Variants in TNFRSF18 observed in about 807,000 individuals in gnomAD.
TNFRSF18 encodes tumor necrosis factor receptor superfamily member 18.
TNFRSF18 carries 36 observed loss-of-function variants against 30.2 expected under a neutral mutation model. That is an observed-to-expected ratio of 1.19 (90% CI 0.91 to 1.58). The LOEUF (loss-of-function observed/expected upper bound fraction) is 1.58, where lower values mean the gene tolerates loss of function less well. TNFRSF18 is among the 40% of genes most tolerant of loss of function. TNFRSF18 has a pLI of 0.00. For missense variants in TNFRSF18, 369 were observed against 345.4 expected, an observed-to-expected ratio of 1.07 and a Z score of -0.54; for synonymous variants, 173 against 158.3, an observed-to-expected ratio of 1.09 and a Z score of -0.70.
In TNFRSF18 at chr1:1,205,553, TC is replaced by T. The variant is rs1396604947; in HGVS notation, c.188-62del. ...GCTGAGGCCCCCTCCTCCCCAGGCC[TC>T]CCCTCGGCCCTCCAGGGGAGTGAGG... On this transcript the variant is annotated intron_variant, in intron 1 of 4. Coordinates refer to ENST00000379268, the MANE Select transcript of TNFRSF18 (RefSeq NM_004195.3). The T allele has an allele frequency of 3.8e-6, 6 of 1,568,510 alleles. No homozygotes were observed. In the African/African-American group the frequency reaches 4.1e-5, roughly 11 times the overall value.
chr1:1,205,535 C>T lies in TNFRSF18; in HGVS notation c.188-43G>A, dbSNP rs761351160. The T allele has an allele frequency of 3.1e-6, 5 of 1,591,566 alleles. No individual in the cohort carries two copies. The South Asian group carries it at 3.4e-5, about 11-fold the overall frequency. On this transcript the variant is annotated intron_variant, in intron 1 of 4. Coordinates refer to ENST00000379268, the MANE Select transcript of TNFRSF18 (RefSeq NM_004195.3). ...CAGCCCCCCAGCAGCTGGGCTGAGG[C>T]CCCCTCCTCCCCAGGCCTCCCCTCG...
rs753212906 is a variant in TNFRSF18 at position 1,204,027 on chromosome 1, G to A, written c.601+7C>T. ...CTCCCACCTCCCCGCACCAGGCTGT[G>A]ACAGACCTCGGGGCCACATGCACTG... On this transcript the variant is annotated splice_region_variant and intron_variant, in intron 4 of 4. Transcript: ENST00000379268. 2.5e-6 allele frequency: 4 copies of A among 1,607,112 alleles called. No individual in the cohort carries two copies. The Admixed American group carries it at 6.8e-5, about 27-fold the overall frequency.
chr1:1,205,361 A>G lies in TNFRSF18; in HGVS notation c.310+9T>C, dbSNP rs919676264. The G allele has an allele frequency of 6.2e-7, 1 of 1,610,238 alleles. No homozygotes were observed. The highest frequency in any genetic ancestry group is 8.5e-7 in the Non-Finnish European group (1 of 1,179,002). On this transcript the variant is annotated intron_variant, in intron 2 of 4. Coordinates refer to ENST00000379268, the MANE Select transcript of TNFRSF18 (RefSeq NM_004195.3). Reference sequence around the variant, plus strand: ...TGTGTGGACTCCCAGAGGCACCTCCAGGACTTACCCTGGGACTGTACCCCC... The same window carrying G: ...TGTGTGGACTCCCAGAGGCACCTCCGGGACTTACCCTGGGACTGTACCCCC...
Position 1,204,212 on chromosome 1 carries a change from A to G in TNFRSF18, c.423T>C (p.Thr141=), listed in dbSNP as rs570711280. 23 of 1,611,790 alleles carry G rather than the reference A, an allele frequency of 1.4e-5. No homozygotes were observed. In the Admixed American group the frequency reaches 3.0e-4, roughly 21 times the overall value. ...WTDCTQFGFL[T]VFPGNKTHNA... is the part of the protein sequence containing the mutation. ...TGTGGGTCTTGTTCCCAGGGAACAC[A>G]GTGAGAAACCCGAACTGGGTGCAGC... Residue 141 remains threonine, a synonymous_variant, in exon 4 of 5, where the codon ACT becomes ACC. Coordinates refer to ENST00000379268, the MANE Select transcript of TNFRSF18 (RefSeq NM_004195.3).
Position 1,204,428 on chromosome 1 carries a change from G to A in TNFRSF18, c.369C>T (p.Gly123=), listed in dbSNP as rs982296691. Residue 123 remains glycine, a synonymous_variant, in exon 3 of 5, where the codon GGC becomes GGT. Transcript: ENST00000379268. ...IDCASGTFSG[G]HEGHCKPWTD... ...TCCAAGGTTTGCAGTGGCCTTCGTG[G>A]CCCCCGGAGAAGGTCCCCGAGGCAC... 1.3e-5 allele frequency: 18 copies of A among 1,414,008 alleles called. No individual in the cohort carries two copies. The highest frequency in any genetic ancestry group is 1.5e-5 in the African/African-American group (1 of 68,108). The allele number at this position is 1,414,008 out of a possible 1,614,324, so 87.6% of individuals were successfully genotyped here.
At position 1,203,659 on chromosome 1, in the gene TNFRSF18, T is replaced by A; in HGVS notation, c.*185A>T. Reference sequence around the variant, plus strand: ...CATGACTGTGTCTCTCTCTCCCTCCTGCAGGGCCCAGCCGCGGCCGCCGAA... The same window carrying A: ...CATGACTGTGTCTCTCTCTCCCTCCAGCAGGGCCCAGCCGCGGCCGCCGAA... On this transcript the variant is annotated 3_prime_UTR_variant, in exon 5 of 5. Transcript: ENST00000379268. 1.3e-6 allele frequency: 2 copies of A among 1,550,950 alleles called. No individual in the cohort carries two copies. The highest frequency in any genetic ancestry group is 2.4e-5 in the South Asian group (2 of 82,228).
rs1418173560 is a variant in TNFRSF18, at chr1:1,206,483, C to G, written c.89G>C (p.Gly30Ala). Residue 30 changes from glycine to alanine, a missense_variant, in exon 1 of 5, where the codon GGG (glycine) becomes GCG (alanine). Transcript: ENST00000379268. ...CALSLGQRPT[G>A]GPGCGPGRLL... ...GCGCCCAGGGCCGCACCCGGGACCC[C>G]CGGTGGGGCGCTGACCCAGGCTGAG... 5.2e-6 allele frequency: 8 copies of G among 1,546,462 alleles called. No individual in the cohort carries two copies. The highest frequency in any genetic ancestry group is 6.1e-6 in the Non-Finnish European group (7 of 1,145,780).
At position 1,203,784 on chromosome 1, in the gene TNFRSF18, GCCTGGGGAGCT is replaced by G; in HGVS notation, c.*49_*59del. 1 of 1,567,540 alleles carries G rather than the reference GCCTGGGGAGCT, an allele frequency of 6.4e-7. No homozygotes were observed. The highest frequency in any genetic ancestry group is 8.6e-7 in the Non-Finnish European group (1 of 1,162,854). On this transcript the variant is annotated 3_prime_UTR_variant, in exon 5 of 5. Coordinates refer to ENST00000379268, the MANE Select transcript of TNFRSF18 (RefSeq NM_004195.3). ...CAGAGCAGAACGCAGAGCCCCTGCG[GCCTGGGGAGCT>G]CCTGGGGAGGGGCTGGCTGCGGTCG...
chr1:1,204,328 G>A, intron 3 of TNFRSF18, 71 bp downstream of exon 3: 1 of 1,595,016 alleles, frequency 6.3e-7, no homozygotes, highest in Non-Finnish European at 8.6e-7. Flanking sequence ...TGGGGCAAGG[G>A]ACAGGAGAGG....
intron 2 of TNFRSF18, among the ~76,000 whole-genome samples, chr1:1,205,165 C>A (rs1325993744): frequency 6.6e-6 from 1 of 152,206 alleles, no homozygotes; most frequent in Non-Finnish European, 1.5e-5. Context: ...GATGGAGAAG[C>A]CCAGGCTGAG....
rs188835919 is a variant in TNFRSF18, at chr1:1,206,546, G to A, written c.26C>T (p.Ala9Val). ...CGCCAGGCCGCACAGGGCCCGAAAC[G>A]CGCCCATCGCCCCGTGCTGTGCCAT... MAQHGAMGAFRALCGLALL... is the reference protein window; with the variant it reads MAQHGAMGVFRALCGLALL... Residue 9 changes from alanine to valine, a missense_variant, in exon 1 of 5, where the codon GCG becomes GTG. Physicochemically the swap from Ala to Val is moderately conservative, Grantham distance 64. Transcript: ENST00000379268. 172 of 1,520,078 alleles carry A rather than the reference G, an allele frequency of 1.1e-4. No homozygotes were observed. In the East Asian group the frequency reaches 3.0e-3, roughly 27 times the overall value. 94.2% of individuals were successfully genotyped at this position (1,520,078 alleles called of 1,614,324 possible). A position where few individuals can be genotyped will look rare whatever the true frequency, so the allele number is the denominator to read the frequency against.
chr1:1,205,517 C>T, intron 1 of TNFRSF18, 25 bp from the exon 2 acceptor site: 1 of 1,604,878 alleles, frequency 6.2e-7, no homozygotes, highest in Non-Finnish European at 8.5e-7. Context: ...GGCCAGCCCC[C>T]CAGCAGCTGG....
chr1:1,206,385 C>G lies in TNFRSF18; in HGVS notation c.187G>C (p.Gly63Arg). 6.5e-7 allele frequency: 1 copy of G among 1,546,884 alleles called. No individual in the cohort carries two copies. The highest frequency in any genetic ancestry group is 2.0e-5 in the Admixed American group (1 of 50,896). ...HTTRCCRDYP[G>R]EECCSEWDCM... Reference sequence around the variant, plus strand: ...CGTTAAGTAAACGCGGTTTACTTACCCGGGTAATCGCGGCAGCAGCGCGTC... The same window carrying G: ...CGTTAAGTAAACGCGGTTTACTTACGCGGGTAATCGCGGCAGCAGCGCGTC... The change falls in exon 1 of 5, where the codon GGC (glycine) becomes CGC (arginine). Residue 63 changes from glycine to arginine, a missense_variant and splice_region_variant. Coordinates refer to ENST00000379268, the MANE Select transcript of TNFRSF18 (RefSeq NM_004195.3).
At chr1:1,205,618 A>G in intron 1 of TNFRSF18, 126 bp from the exon 2 acceptor site, 1 of 1,034,394 alleles carries the variant, frequency 9.7e-7, no homozygotes, top group Non-Finnish European at 1.4e-6. Context: ...CAGGGAGCAG[A>G]GGGCTCCTGG....
intron 1 of TNFRSF18, 22 bp from the exon 2 acceptor site, chr1:1,205,514 C>A (rs372870491): frequency 6.2e-7 from 1 of 1,605,780 alleles, no homozygotes; most frequent in Admixed American, 1.7e-5. Flanking sequence ...ACAGGCCAGC[C>A]CCCCAGCAGC....
In TNFRSF18 at chr1:1,203,776, C is replaced by A; in HGVS notation, c.*68G>T. The A allele has an allele frequency of 6.4e-7, 1 of 1,564,448 alleles. No individual in the cohort carries two copies. Among genetic ancestry groups the A allele is most frequent in the Non-Finnish European group, 8.6e-7 (1 of 1,161,190 alleles). ...GCCCGGCCCAGAGCAGAACGCAGAG[C>A]CCCTGCGGCCTGGGGAGCTCCTGGG... On this transcript the variant is annotated 3_prime_UTR_variant, in exon 5 of 5. Transcript: ENST00000379268.
At position 1,205,404 on chromosome 1, in the gene TNFRSF18, G is replaced by T; in HGVS notation, c.276C>A (p.His92Gln). The change falls in exon 2 of 5, where the codon CAC (histidine) becomes CAA (glutamine). Residue 92 changes from histidine to glutamine, a missense_variant. Physicochemically the swap from His to Gln is conservative, Grantham distance 24. Transcript: ENST00000379268. ...GDPCCTTCRHHPCPPGQGVQS... is the reference protein window; with the variant it reads ...GDPCCTTCRHQPCPPGQGVQS... ...GTACCCCCTGGCCTGGGGGACAAGG[G>T]TGGTGCCGGCAGGTCGTGCAGCAAG... is the stretch of plus-strand genomic sequence containing the variant. 6.2e-7 allele frequency: 1 copy of T among 1,612,580 alleles called. No homozygotes were observed.
In TNFRSF18 at chr1:1,205,449, A is replaced by G. The variant is rs1217741111; in HGVS notation, c.231T>C (p.Pro77=). The stretch of plus-strand genomic sequence containing the variant: ...AGCAAGGGTCTCCGCAGTGGAATTC[A>G]GGCTGGACACACATGCAGTCCCACT... ...CSEWDCMCVQ[P]EFHCGDPCCT... The change falls in exon 2 of 5, where the codon CCT becomes CCC. Residue 77 remains proline, a synonymous_variant. Transcript: ENST00000379268. 3 of 1,612,566 alleles carry G rather than the reference A, an allele frequency of 1.9e-6. No individual in the cohort carries two copies. The African/African-American group carries it at 4.0e-5, about 21-fold the overall frequency.
At chr1:1,204,663 C>G (rs1274977924) in intron 2 of TNFRSF18, among the ~76,000 whole-genome samples, 177 bp from the exon 3 acceptor site, 3 of 152,174 alleles carry the variant, frequency 2.0e-5, no homozygotes, top group Non-Finnish European at 4.4e-5. Flanking sequence ...CCATGTCTGC[C>G]CGTCCCAGGT....
Sources: gnomAD v4.1 joint callset for allele counts (sites outside exome capture counted in the v4.1 genomes callset) on GRCh38, gnomAD v4.1.1 for gene constraint, MANE v1.5 for transcripts, NCBI Gene and HGNC (gene_info 2026-07-23, HGNC 2026-07-21) for gene names.